Variants in ZNF44 observed in about 807,000 individuals in gnomAD.
ZNF44 encodes the protein zinc finger protein 44, also known as gonadotropin inducible transcription repressor-2.
In ZNF44, 9 loss-of-function variants were observed where a neutral mutation model predicts 11.7. The ratio of observed to expected loss-of-function variants is 0.77; its 90% confidence interval spans 0.46 to 1.35. The LOEUF (loss-of-function observed/expected upper bound fraction) is 1.35, where lower values mean the gene tolerates loss of function less well. ZNF44 is among the 40% of genes most tolerant of loss of function. The pLI, the probability that ZNF44 is intolerant of heterozygous loss-of-function variation, is 0.00. For missense variants in ZNF44, 696 were observed against 743.1 expected, an observed-to-expected ratio of 0.94 and a Z score of 0.74; for synonymous variants, 224 against 242.7, an observed-to-expected ratio of 0.92 and a Z score of 0.72.
chr19:12,264,092 AAAC>A (rs1338195423), intron 5 of ZNF44, among the ~76,000 whole-genome samples: 2 of 152,138 alleles, frequency 1.3e-5, no homozygotes, highest in South Asian at 2.1e-4. Flanking sequence ...GTATCAAACG[AAAC>A]AACAACTACC....
At chr19:12,229,953 A>G (rs1230730915) in intron 3 of ZNF44, among the ~76,000 whole-genome samples, 8 of 152,106 alleles carry the variant, frequency 5.3e-5, no homozygotes, top group Admixed American at 5.2e-4. Context: ...GAGAGGTGCA[A>G]ACTTGACACA....
chr19:12,248,558 T>C, exon 8 of ZNF44: 1 of 1,291,404 alleles, frequency 7.7e-7, no homozygotes, highest in Non-Finnish European at 1.0e-6. Context: ...ATACACTGCT[T>C]TCCCAAAGCT....
At chr19:12,286,707 T>C (rs1260017351) in intron 1 of ZNF44, among the ~76,000 whole-genome samples, 1 of 150,842 alleles carries the variant, frequency 6.6e-6, no homozygotes, top group Non-Finnish European at 1.5e-5. Context: ...TCCCAGCACT[T>C]TGGGAGGCTG....
chr19:12,232,741 C>G (rs1916217521), intron 2 of ZNF44, among the ~76,000 whole-genome samples: 1 of 152,172 alleles, frequency 6.6e-6, no homozygotes, highest in Non-Finnish European at 1.5e-5. Context: ...ATGTCTACTT[C>G]TTTCTACACA....
chr19:12,260,131 C>A, intron 5 of ZNF44: 1 of 721,988 alleles, frequency 1.4e-6, no homozygotes, highest in South Asian at 1.4e-5. Context: ...CCACCATGTC[C>A]GCGCATCTGC....
downstream of ZNF44, among the ~76,000 whole-genome samples, chr19:12,269,131 T>C (rs1381325352): frequency 2.7e-5 from 4 of 147,236 alleles, no homozygotes; most frequent in African/African-American, 1.1e-4. Context: ...GCACCCTGGA[T>C]ACACTGACTG....
At chr19:12,247,219 A>T, downstream of ZNF44, 1 of 1,066,244 alleles carries the variant, frequency 9.4e-7, no homozygotes, top group Non-Finnish European at 1.2e-6. Context: ...ATGAACTTTC[A>T]TATCAACTTT....
intron 1 of ZNF44, among the ~76,000 whole-genome samples, chr19:12,283,126 A>G (rs12610305): frequency 0.18 from 27,710 of 152,108 alleles, 2,603 homozygotes; most frequent in East Asian, 0.27. Context: ...ATCAAATTGT[A>G]TCTGCCTCAA....
downstream of ZNF44, among the ~76,000 whole-genome samples, chr19:12,267,333 C>G (rs1996241): frequency 5.9e-5 from 9 of 151,978 alleles, no homozygotes; most frequent in South Asian, 1.9e-3. Context: ...AGTGAGCCAC[C>G]GTGCCCGGCC....
chr19:12,230,753 G>A (rs577469070), intron 2 of ZNF44, among the ~76,000 whole-genome samples: 1 of 152,192 alleles, frequency 6.6e-6, no homozygotes, highest in Non-Finnish European at 1.5e-5. Context: ...TCAAAGACAG[G>A]TTTATTTTAG....
At position 12,294,766 on chromosome 19, in the gene ZNF44, A is replaced by C. The variant is rs1968177051; in HGVS notation, c.-72T>G. The C allele has an allele frequency of 6.6e-7, 1 of 1,518,166 alleles. No homozygotes were observed. The highest frequency in any genetic ancestry group is 2.1e-5 in the Admixed American group (1 of 47,888). 94.0% of individuals were successfully genotyped at this position (1,518,166 alleles called of 1,614,324 possible). Reference sequence around the variant, plus strand: ...GGTAGGTCCCAGCGCGACAAAAGCCACCACAGATGTCCCAGGGCGTCTCTC... The same window carrying C: ...GGTAGGTCCCAGCGCGACAAAAGCCCCCACAGATGTCCCAGGGCGTCTCTC... On this transcript the variant is annotated 5_prime_UTR_variant, in exon 1 of 4. Transcript: ENST00000355684.
upstream of ZNF44, among the ~76,000 whole-genome samples, chr19:12,240,272 C>G (rs1025123484): frequency 1.3e-5 from 2 of 151,666 alleles, no homozygotes; most frequent in African/African-American, 4.8e-5. Flanking sequence ...GGTGAAACCC[C>G]GTCTCTACTA....
chr19:12,291,141 G>T lies in ZNF44; in HGVS notation c.3+3551C>A, dbSNP rs1174385317. On this transcript the variant is annotated intron_variant, in intron 1 of 3. Transcript: ENST00000355684. Reference sequence around the variant, plus strand: ...ATAATGAAGCCTTTAGTAAACAAAGGATATTTAAGTTCTTTAGCTATTGCA... The same window carrying T: ...ATAATGAAGCCTTTAGTAAACAAAGTATATTTAAGTTCTTTAGCTATTGCA... 1.5e-5 allele frequency: 6 copies of T among 391,746 alleles called. 1 individual carries two copies. Among genetic ancestry groups the T allele is most frequent in the South Asian group, 1.1e-4 (6 of 53,098 alleles). The allele number at this position is 391,746 out of a possible 1,614,324, so 24.3% of individuals were successfully genotyped here.
At chr19:12,260,202 C>T in intron 5 of ZNF44, 1 of 773,842 alleles carries the variant, frequency 1.3e-6, no homozygotes, top group Non-Finnish European at 2.4e-6. Context: ...CGACCTACAG[C>T]ACCAAGCCCA....
At chr19:12,287,459 C>G (rs766327673) in intron 1 of ZNF44, among the ~76,000 whole-genome samples, 4 of 152,136 alleles carry the variant, frequency 2.6e-5, no homozygotes, top group Non-Finnish European at 4.4e-5. Flanking sequence ...CGTGATCCAC[C>G]TGCCTCAGCC....
intron 5 of ZNF44, chr19:12,250,668 T>G (rs2145690942): frequency 4.7e-6 from 2 of 421,208 alleles, no homozygotes; most frequent in East Asian, 1.4e-4. Context: ...GACCATCAAT[T>G]CTTTGTGAGA....
chr19:12,260,221 A>G, intron 5 of ZNF44: 3 of 784,774 alleles, frequency 3.8e-6, no homozygotes, highest in Non-Finnish European at 6.9e-6. Flanking sequence ...CAGTAACTTG[A>G]AGGCCCCAGC....
chr19:12,270,130 C>A (rs1477539784), downstream of ZNF44, among the ~76,000 whole-genome samples: 1 of 151,950 alleles, frequency 6.6e-6, no homozygotes, highest in East Asian at 1.9e-4. Context: ...TCATATTGAT[C>A]ATTGTTGTGT....
At chr19:12,268,804 C>G (rs969967714), downstream of ZNF44, among the ~76,000 whole-genome samples, 3 of 150,788 alleles carry the variant, frequency 2.0e-5, no homozygotes, top group Non-Finnish European at 4.4e-5. Context: ...CGTGCAATGG[C>G]ACAATCATGG....
Sources: allele counts gnomAD v4.1 joint callset (sites outside exome capture counted in the v4.1 genomes callset), GRCh38; gene constraint gnomAD v4.1.1; transcripts MANE v1.5; gene names NCBI Gene and HGNC (gene_info 2026-07-23, HGNC 2026-07-21).